Variants in RAP1GDS1 observed in about 807,000 individuals in gnomAD.
RAP1GDS1 encodes Rap1 GTPase-GDP dissociation stimulator 1, also known as RAP1, GTP-GDP dissociation stimulator 1.
Under a neutral mutation model 71.1 loss-of-function variants are expected in RAP1GDS1, and 35 were observed. The ratio of observed to expected loss-of-function variants is 0.49; its 90% CI spans 0.38 to 0.65. The LOEUF is 0.65. Among genes scored for constraint, RAP1GDS1 ranks in the 30% least tolerant of loss-of-function variants. The probability of loss-of-function intolerance (pLI) is 0.00; values close to 1 mark genes in which losing one functional copy is unlikely to be tolerated. For synonymous variants in RAP1GDS1, 229 were observed against 243.1 expected, an observed-to-expected ratio of 0.94 and a Z score of 0.54; for missense variants, 663 against 706.1, an observed-to-expected ratio of 0.94 and a Z score of 0.69.
At chr4:98,266,227 T>G (rs1163497172) in intron 1 of RAP1GDS1, among the ~76,000 whole-genome samples, 1 of 152,172 alleles carries the variant, frequency 6.6e-6, no homozygotes, top group Admixed American at 6.5e-5. Context: ...TCTCTGACAT[T>G]TCATTTTTAA....
chr4:98,262,122 G>A (rs939146938), intron 1 of RAP1GDS1, among the ~76,000 whole-genome samples: 1 of 152,216 alleles, frequency 6.6e-6, no homozygotes, highest in African/African-American at 2.4e-5. Context: ...GGGGGAGAGC[G>A]GACAGCCTCA....
chr4:98,274,834 T>TGTTA (rs1267597587), intron 1 of RAP1GDS1, among the ~76,000 whole-genome samples: 2 of 152,154 alleles, frequency 1.3e-5, no homozygotes, highest in African/African-American at 4.8e-5. Context: ...TTTAGTTGAA[T>TGTTA]GTTAGTATTG....
intron 13 of RAP1GDS1, among the ~76,000 whole-genome samples, chr4:98,436,070 CAAAA>C (rs201715514): frequency 1.4e-5 from 2 of 142,270 alleles, no homozygotes; most frequent in African/African-American, 5.3e-5. Context: ...GACGCTGTCT[CAAAA>C]AAAAAATATA....
chr4:98,421,096 CA>C (rs1188591727), intron 11 of RAP1GDS1, among the ~76,000 whole-genome samples, 158 bp from the exon 12 acceptor site: 2 of 152,172 alleles, frequency 1.3e-5, no homozygotes, highest in African/African-American at 4.8e-5. Context: ...CAGAAGAAGG[CA>C]AATAGCCCAT....
At chr4:98,280,535 A>G (rs1183658775) in intron 1 of RAP1GDS1, among the ~76,000 whole-genome samples, 2 of 152,126 alleles carry the variant, frequency 1.3e-5, no homozygotes, top group Non-Finnish European at 2.9e-5. Context: ...GTAGATTGCA[A>G]AAATTTTCTC....
chr4:98,351,156 G>C (rs1157088728), intron 3 of RAP1GDS1, among the ~76,000 whole-genome samples: 1 of 152,178 alleles, frequency 6.6e-6, no homozygotes, highest in South Asian at 2.1e-4. Context: ...AACATGAGTA[G>C]TAGGATACTT....
chr4:98,291,934 A>G (rs780364689), intron 1 of RAP1GDS1, among the ~76,000 whole-genome samples: 2 of 152,138 alleles, frequency 1.3e-5, no homozygotes, highest in Non-Finnish European at 2.9e-5. Flanking sequence ...CAGTTTTAGT[A>G]TATCAGTGAA....
At chr4:98,328,784 G>A (rs1056203907) in intron 2 of RAP1GDS1, among the ~76,000 whole-genome samples, 24 of 152,202 alleles carry the variant, frequency 1.6e-4, no homozygotes, top group Non-Finnish European at 2.6e-4. Flanking sequence ...CTGGGTTCAA[G>A]TGATTCTCCA....
intron 7 of RAP1GDS1, among the ~76,000 whole-genome samples, chr4:98,415,657 G>A (rs904940002): frequency 2.6e-5 from 4 of 152,174 alleles, no homozygotes; most frequent in African/African-American, 9.7e-5. Flanking sequence ...ATAATAAAAA[G>A]TGTTGATGTG....
chr4:98,421,962 CTGAGGTGGGCAGATCA>C (rs1209538367), intron 12 of RAP1GDS1, among the ~76,000 whole-genome samples: 3 of 151,942 alleles, frequency 2.0e-5, no homozygotes, highest in Non-Finnish European at 4.4e-5. Flanking sequence ...CTTTGGGAGA[CTGAGGTGGGCAGATCA>C]TGAGGTCAGG....
intron 5 of RAP1GDS1, 137 bp downstream of exon 5, chr4:98,379,300 C>A: frequency 1.1e-6 from 1 of 905,746 alleles, no homozygotes; most frequent in Non-Finnish European, 1.5e-6. Flanking sequence ...AATTAGCCAA[C>A]ATTAAATTTC....
intron 2 of RAP1GDS1, among the ~76,000 whole-genome samples, chr4:98,299,940 G>A (rs1367079658): frequency 6.6e-6 from 1 of 151,954 alleles, no homozygotes; most frequent in African/African-American, 2.4e-5. Context: ...TTTTTGAGAT[G>A]GAATCTACTC....
Position 98,441,973 on chromosome 4 carries a change from A to G in RAP1GDS1, c.1697-17A>G, listed in dbSNP as rs1751933685. On this transcript the variant is annotated splice_polypyrimidine_tract_variant and intron_variant, in intron 14 of 14. Coordinates refer to ENST00000408927, the MANE Select transcript of RAP1GDS1 (RefSeq NM_001100427.2). ...ACAACCTAACAGAATCATATCTGTT[A>G]TTTTTTTGTCTTCCAGAATGTCTAC... 1.2e-6 allele frequency: 2 copies of G among 1,612,834 alleles called. No individual in the cohort carries two copies. The highest frequency in any genetic ancestry group is 4.5e-5 in the East Asian group (2 of 44,864).
At chr4:98,397,433 G>A (rs1256461522) in intron 6 of RAP1GDS1, among the ~76,000 whole-genome samples, 1 of 152,054 alleles carries the variant, frequency 6.6e-6, no homozygotes, top group Non-Finnish European at 1.5e-5. Flanking sequence ...GGAATTTCAA[G>A]ACCAGCCTGC....
At chr4:98,426,891 C>T (rs1749695393) in intron 12 of RAP1GDS1, among the ~76,000 whole-genome samples, 1 of 152,190 alleles carries the variant, frequency 6.6e-6, no homozygotes, top group South Asian at 2.1e-4. Context: ...CACCCTAATA[C>T]CAAAACCAGG....
chr4:98,437,562 G>T lies in RAP1GDS1; in HGVS notation c.1696+494G>T, dbSNP rs2110225546. On this transcript the variant is annotated intron_variant, in intron 14 of 14. Coordinates refer to ENST00000408927, the MANE Select transcript of RAP1GDS1 (RefSeq NM_001100427.2). ...TACTCCCAGCACTTTGGGAGGCTGA[G>T]GTGGTGGATCACTTGAGGCCAGGAG... is the stretch of plus-strand genomic sequence containing the variant. Among the ~76,000 whole-genome samples the T allele has an allele frequency of 1.3e-5, 2 of 152,252 alleles. 1 individual carries two copies.
intron 14 of RAP1GDS1, among the ~76,000 whole-genome samples, chr4:98,438,139 A>C (rs1327983568): frequency 6.6e-6 from 1 of 152,030 alleles, no homozygotes; most frequent in Non-Finnish European, 1.5e-5. Flanking sequence ...GTGCTTTCTT[A>C]AGGGATTGAC....
At chr4:98,361,716 G>A (rs1738780792) in intron 4 of RAP1GDS1, among the ~76,000 whole-genome samples, 1 of 152,070 alleles carries the variant, frequency 6.6e-6, no homozygotes, top group Non-Finnish European at 1.5e-5. Context: ...CTAGTGCTTT[G>A]GGAAATGAAA....
chr4:98,407,741 T>G (rs951204991), intron 7 of RAP1GDS1, among the ~76,000 whole-genome samples: 8 of 152,116 alleles, frequency 5.3e-5, no homozygotes, highest in African/African-American at 1.7e-4. Flanking sequence ...ACTATTCAGA[T>G]GACAGATGAC....
Sources: gnomAD v4.1 joint callset for allele counts (sites outside exome capture counted in the v4.1 genomes callset) on GRCh38, gnomAD v4.1.1 for gene constraint, MANE v1.5 for transcripts, NCBI Gene and HGNC (gene_info 2026-07-23, HGNC 2026-07-21) for gene names.